RMND1: variants seen among roughly 807,000 people sequenced by gnomAD.
The protein encoded by RMND1 is required for meiotic nuclear division 1 homolog.
RMND1 carries 41 observed loss-of-function variants against 54.0 expected under a neutral mutation model. The observed-to-expected ratio is 0.76, with a 90% CI of 0.59 to 0.98. RMND1 has a LOEUF of 0.98. Among genes scored for constraint, RMND1 ranks in the 50% least tolerant of loss-of-function variants. RMND1 has a pLI of 0.00. For synonymous variants in RMND1, 183 were observed against 181.7 expected (o/e 1.01, Z -0.06); for missense variants, 457 against 532.0 (o/e 0.86, Z 1.39).
intron 2 of RMND1, among the ~76,000 whole-genome samples, chr6:151,443,317 C>A (rs1255024494): frequency 1.3e-5 from 2 of 152,002 alleles, no homozygotes. Context: ...ACATGATTTT[C>A]TTCTCTTTTT....
At chr6:151,440,482 A>T (rs1214419246) in intron 2 of RMND1, among the ~76,000 whole-genome samples, 1 of 152,226 alleles carries the variant, frequency 6.6e-6, no homozygotes, top group Non-Finnish European at 1.5e-5. Flanking sequence ...CTAAGCTCCA[A>T]ATAAATTATG....
At chr6:151,406,740 C>T (rs946319406) in intron 10 of RMND1, among the ~76,000 whole-genome samples, 1 of 152,144 alleles carries the variant, frequency 6.6e-6, no homozygotes, top group Non-Finnish European at 1.5e-5. Flanking sequence ...AACAGTTTGT[C>T]TCATGGGTAT....
At chr6:151,433,258 A>G (rs1377579548) in intron 3 of RMND1, 28 bp from the exon 4 acceptor site, 21 of 1,513,772 alleles carry the variant, frequency 1.4e-5, no homozygotes, top group Non-Finnish European at 1.7e-5. Context: ...CGAACAAAAA[A>G]GCTATGTCAA....
intron 10 of RMND1, among the ~76,000 whole-genome samples, chr6:151,415,090 G>A (rs1454688199): frequency 6.6e-6 from 1 of 151,152 alleles, no homozygotes; most frequent in African/African-American, 2.4e-5. Flanking sequence ...AGATCAGAAG[G>A]AGAAAAGAAC....
At chr6:151,439,117 A>T (rs80298899) in intron 2 of RMND1, among the ~76,000 whole-genome samples, 14,947 of 152,226 alleles carry the variant, frequency 0.098, 810 homozygotes, top group Middle Eastern at 0.18. Flanking sequence ...TCAAACAAAA[A>T]CAAAACCAAA....
rs746865665 is a variant in RMND1, at chr6:151,435,717, GCTAA to G, written c.613+725_613+728del. On this transcript the variant is annotated intron_variant, in intron 3 of 11. Coordinates refer to ENST00000444024, the MANE Select transcript of RMND1 (RefSeq NM_017909.4). Reference sequence around the variant, plus strand: ...TTACAGGCGTGAGCTACTGCACCCGGCTAACTAATTGTTTTAAAGTATTAGATTG... The same window carrying G: ...TTACAGGCGTGAGCTACTGCACCCGGCTAATTGTTTTAAAGTATTAGATTG... Among the ~76,000 whole-genome samples, 5 of 151,552 alleles carry G rather than the reference GCTAA, an allele frequency of 3.3e-5. No homozygotes were observed. In the South Asian group the frequency reaches 6.3e-4, roughly 19 times the overall value.
intron 4 of RMND1, among the ~76,000 whole-genome samples, chr6:151,432,397 A>C (rs1278323220): frequency 6.6e-6 from 1 of 152,192 alleles, no homozygotes; most frequent in Non-Finnish European, 1.5e-5. Flanking sequence ...TAGGCATTGA[A>C]AGGAAAAAAG....
chr6:151,431,993 TG>T, intron 4 of RMND1, among the ~76,000 whole-genome samples: 1 of 151,784 alleles, frequency 6.6e-6, no homozygotes, highest in Non-Finnish European at 1.5e-5. Flanking sequence ...TGGAGTGCAA[TG>T]GCACGATCTC....
chr6:151,407,886 G>C (rs947351638), intron 10 of RMND1, among the ~76,000 whole-genome samples: 2 of 151,988 alleles, frequency 1.3e-5, no homozygotes, highest in Non-Finnish European at 2.9e-5. Flanking sequence ...ACTCCAGCCT[G>C]GGCGACAGAG....
intron 10 of RMND1, among the ~76,000 whole-genome samples, chr6:151,410,093 C>G (rs13207677): frequency 0.1 from 15,579 of 148,660 alleles, 927 homozygotes; most frequent in East Asian, 0.19. Flanking sequence ...CTTGCTCTGT[C>G]ACCCAGGCTG....
chr6:151,411,477 G>A (rs1779831873), intron 10 of RMND1: 1 of 152,194 alleles, frequency 6.6e-6, no homozygotes, highest in Admixed American at 6.6e-5. Context: ...CCAGAATGAA[G>A]AGCACATTCA....
chr6:151,415,270 A>T (rs1322954774), intron 10 of RMND1, among the ~76,000 whole-genome samples: 1 of 149,410 alleles, frequency 6.7e-6, no homozygotes, highest in Non-Finnish European at 1.5e-5. Context: ...AATATAAAAG[A>T]AATAAGAATT....
chr6:151,421,757 T>C (rs1037767253), intron 8 of RMND1, among the ~76,000 whole-genome samples: 1 of 152,184 alleles, frequency 6.6e-6, no homozygotes, highest in African/African-American at 2.4e-5. Flanking sequence ...TCAGGAAAAG[T>C]GGTCATAATT....
chr6:151,409,971 G>A (rs1407081774), intron 10 of RMND1, among the ~76,000 whole-genome samples: 3 of 151,892 alleles, frequency 2.0e-5, no homozygotes, highest in Non-Finnish European at 4.4e-5. Flanking sequence ...TTTTTAGCAT[G>A]TCTTATGCCT....
intron 10 of RMND1, among the ~76,000 whole-genome samples, chr6:151,407,532 G>A (rs1011421872): frequency 2.6e-5 from 4 of 151,868 alleles, no homozygotes; most frequent in Non-Finnish European, 5.9e-5. Flanking sequence ...TCTCCTAAAC[G>A]TCCCAAAGTC....
At chr6:151,435,694 A>G (rs1471126556) in intron 3 of RMND1, among the ~76,000 whole-genome samples, 2 of 151,642 alleles carry the variant, frequency 1.3e-5, no homozygotes, top group Non-Finnish European at 2.9e-5. Flanking sequence ...TGCTGCAATT[A>G]CAGGCGTGAG....
At chr6:151,421,924 G>A (rs2114936431) in intron 8 of RMND1, among the ~76,000 whole-genome samples, 2 of 151,756 alleles carry the variant, frequency 1.3e-5, no homozygotes, top group South Asian at 2.1e-4. Context: ...AGACCAGCCT[G>A]GGCAACATGG....
At chr6:151,411,722 G>A (rs1312547485) in intron 10 of RMND1, 2 of 152,154 alleles carry the variant, frequency 1.3e-5, no homozygotes, top group South Asian at 2.1e-4. Context: ...TGGCATTAAC[G>A]TTCTCGTCTA....
intron 1 of RMND1, among the ~76,000 whole-genome samples, chr6:151,446,815 C>T (rs762520784): frequency 2.6e-5 from 4 of 151,710 alleles, no homozygotes; most frequent in African/African-American, 4.9e-5. Context: ...GATATAGAAT[C>T]GTTCAAACCA....
Sources: allele counts gnomAD v4.1 joint callset (sites outside exome capture counted in the v4.1 genomes callset), GRCh38; gene constraint gnomAD v4.1.1; transcripts MANE v1.5; gene names NCBI Gene and HGNC (gene_info 2026-07-23, HGNC 2026-07-21).